Variants in ANO6 observed in about 807,000 individuals in gnomAD.
ANO6 encodes the protein anoctamin-6.
Under a neutral mutation model 117.5 loss-of-function variants are expected in ANO6, and 106 were observed. The ratio of observed to expected loss-of-function variants is 0.90; its 90% CI spans 0.77 to 1.06. The LOEUF (loss-of-function observed/expected upper bound fraction) is 1.06, where lower values mean the gene tolerates loss of function less well. ANO6 is among the 50% of genes least tolerant of loss of function. The probability of loss-of-function intolerance (pLI) is 0.00; values close to 1 mark genes in which losing one functional copy is unlikely to be tolerated. For missense variants in ANO6, 955 were observed against 1,121.1 expected, an observed-to-expected ratio of 0.85 and a Z score of 2.12; for synonymous variants, 367 against 385.1, an observed-to-expected ratio of 0.95 and a Z score of 0.55.
chr12:45,356,719 A>G (rs953047632), intron 7 of ANO6, among the ~76,000 whole-genome samples: 8 of 152,110 alleles, frequency 5.3e-5, no homozygotes, highest in African/African-American at 1.7e-4. Context: ...GATGGGGGAA[A>G]GAGGTGGAGG....
At chr12:45,375,438 T>G (rs1941981524) in intron 9 of ANO6, among the ~76,000 whole-genome samples, 5 of 152,180 alleles carry the variant, frequency 3.3e-5, no homozygotes, top group Admixed American at 3.3e-4. Flanking sequence ...GGCATCACAT[T>G]ACCTGACTTC....
At chr12:45,332,329 C>T (rs943406121) in intron 3 of ANO6, among the ~76,000 whole-genome samples, 6 of 151,136 alleles carry the variant, frequency 4.0e-5, no homozygotes, top group African/African-American at 1.5e-4. Context: ...CACACACACA[C>T]ACAAAACTTT....
intron 9 of ANO6, among the ~76,000 whole-genome samples, chr12:45,373,418 G>C (rs937234239): frequency 4.6e-5 from 7 of 152,028 alleles, no homozygotes; most frequent in African/African-American, 1.7e-4. Context: ...ATTTTTTTCA[G>C]CACCACACCA....
chr12:45,243,546 AT>A (rs766546560), intron 1 of ANO6, among the ~76,000 whole-genome samples: 100 of 146,636 alleles, frequency 6.8e-4, no homozygotes, highest in African/African-American at 1.4e-3. Flanking sequence ...TTTGTGAATA[AT>A]TTTTTTTTTT....
rs749633102 is a variant in ANO6 at position 45,431,280 on chromosome 12, C to T, written c.*1969C>T. 45 of 985,286 alleles carry T rather than the reference C, an allele frequency of 4.6e-5. No homozygotes were observed. The highest frequency in any genetic ancestry group is 5.3e-5 in the Non-Finnish European group (44 of 829,934). 61.0% of individuals were successfully genotyped at this position (985,286 alleles called of 1,614,324 possible). A position where few individuals can be genotyped will look rare whatever the true frequency, so the allele number is the denominator to read the frequency against. ...ACGGGAGTGCCACTGTTCCTCTCTT[C>T]ACTCCTGAGATACTGCTTCTGGAAG... On this transcript the variant is annotated 3_prime_UTR_variant, in exon 20 of 20. Coordinates refer to ENST00000320560, the MANE Select transcript of ANO6 (RefSeq NM_001025356.3).
At position 45,245,460 on chromosome 12, in the gene ANO6, C is replaced by G. The variant is rs770035235; in HGVS notation, c.70+29069C>G. 4.8e-5 allele frequency among the ~76,000 whole-genome samples: 7 copies of G among 146,420 alleles called. No homozygotes were observed. In the East Asian group the frequency reaches 9.9e-4, roughly 21 times the overall value. On this transcript the variant is annotated intron_variant, in intron 1 of 19. Transcript: ENST00000320560. ...TTTGTGGGGAGACCCTCAATAGACTCTCTCCTTTCCTTGGGTTAGTAGTGT... is the reference window on the plus strand; with the variant it reads ...TTTGTGGGGAGACCCTCAATAGACTGTCTCCTTTCCTTGGGTTAGTAGTGT...
intron 2 of ANO6, among the ~76,000 whole-genome samples, chr12:45,326,535 T>C (rs1940472957): frequency 6.6e-6 from 1 of 152,152 alleles, no homozygotes; most frequent in Admixed American, 6.6e-5. Context: ...CTTCTAAAAT[T>C]AGCATGCCAC....
chr12:45,255,971 A>G (rs1381288365), intron 1 of ANO6, among the ~76,000 whole-genome samples: 1 of 151,600 alleles, frequency 6.6e-6, no homozygotes, highest in East Asian at 1.9e-4. Context: ...ACAGGCATGC[A>G]CCACTACCCC....
intron 1 of ANO6, 63 bp downstream of exon 1, chr12:45,216,454 G>C: frequency 2.6e-6 from 4 of 1,562,964 alleles, no homozygotes; most frequent in Non-Finnish European, 3.5e-6. Context: ...GAAGTTCGGG[G>C]ACTGCGCGGG....
At chr12:45,284,353 C>G (rs1390989258) in intron 1 of ANO6, among the ~76,000 whole-genome samples, 1 of 152,132 alleles carries the variant, frequency 6.6e-6, no homozygotes, top group Non-Finnish European at 1.5e-5. Flanking sequence ...ATTTCTTTAT[C>G]TCCACCTTTC....
intron 1 of ANO6, among the ~76,000 whole-genome samples, chr12:45,263,234 C>T (rs888368702): frequency 6.6e-6 from 1 of 151,446 alleles, no homozygotes; most frequent in Non-Finnish European, 1.5e-5. Flanking sequence ...TCTTGAGAGA[C>T]AGAGTCTTTC....
chr12:45,237,371 T>A (rs11182933), intron 1 of ANO6, among the ~76,000 whole-genome samples: 20,863 of 152,252 alleles, frequency 0.14, 1,875 homozygotes, highest in Non-Finnish European at 0.18. Flanking sequence ...CTAACTTAAG[T>A]CTTTAATCCA....
At chr12:45,428,407 G>A (rs1476611449) in intron 19 of ANO6, among the ~76,000 whole-genome samples, 1 of 152,114 alleles carries the variant, frequency 6.6e-6, no homozygotes, top group African/African-American at 2.4e-5. Flanking sequence ...GAGGACAGGA[G>A]TTTGAGACCA....
intron 9 of ANO6, among the ~76,000 whole-genome samples, chr12:45,372,722 G>T (rs1941881435): frequency 6.6e-6 from 1 of 152,032 alleles, no homozygotes; most frequent in South Asian, 2.1e-4. Flanking sequence ...CACTAAACAT[G>T]GAAAGGAACA....
intron 18 of ANO6, 33 bp downstream of exon 18, chr12:45,421,306 T>TATG: frequency 6.3e-7 from 1 of 1,598,082 alleles, no homozygotes; most frequent in Middle Eastern, 1.7e-4. Flanking sequence ...AAAAATGCAC[T>TATG]TCATCTTTAA....
chr12:45,379,636 A>G (rs1942118162), intron 10 of ANO6, among the ~76,000 whole-genome samples: 1 of 152,198 alleles, frequency 6.6e-6, no homozygotes, highest in African/African-American at 2.4e-5. Flanking sequence ...TAACACATCT[A>G]CTAAACTGCA....
chr12:45,396,538 G>T lies in ANO6; in HGVS notation c.1387-5257G>T, dbSNP rs1942619382. Among the ~76,000 whole-genome samples the T allele has an allele frequency of 2.6e-5, 4 of 152,116 alleles. No homozygotes were observed. The South Asian group carries it at 8.3e-4, about 31-fold the overall frequency. ...GCCTGCATTGCCAAGACAATCCTAAGCAAAAAGAAAAAAGCTGGATGCATC... is the reference window on the plus strand; with the variant it reads ...GCCTGCATTGCCAAGACAATCCTAATCAAAAAGAAAAAAGCTGGATGCATC... On this transcript the variant is annotated intron_variant, in intron 12 of 19. Coordinates refer to ENST00000320560, the MANE Select transcript of ANO6 (RefSeq NM_001025356.3).
intron 2 of ANO6, among the ~76,000 whole-genome samples, chr12:45,311,785 G>A (rs1939858415): frequency 6.6e-6 from 1 of 151,980 alleles, no homozygotes; most frequent in Non-Finnish European, 1.5e-5. Flanking sequence ...CATGTCAGTG[G>A]GACATGACAA....
chr12:45,279,108 A>C (rs1275043098), intron 1 of ANO6, among the ~76,000 whole-genome samples: 2 of 152,068 alleles, frequency 1.3e-5, no homozygotes, highest in African/African-American at 4.8e-5. Context: ...AATACCTTTC[A>C]AGTCTTTTCC....
Sources: gnomAD v4.1 joint callset for allele counts (sites outside exome capture counted in the v4.1 genomes callset) on GRCh38, gnomAD v4.1.1 for gene constraint, MANE v1.5 for transcripts, NCBI Gene and HGNC (gene_info 2026-07-23, HGNC 2026-07-21) for gene names.